Variants in MTUS2 observed in about 807,000 individuals in gnomAD.
The protein encoded by MTUS2 is microtubule associated scaffold protein 2.
MTUS2 carries 40 observed loss-of-function variants against 114.1 expected under a neutral mutation model. The observed-to-expected ratio is 0.35, with a 90% CI of 0.27 to 0.46. The LOEUF (loss-of-function observed/expected upper bound fraction) is 0.46, where lower values mean the gene tolerates loss of function less well. Among genes scored for constraint, MTUS2 ranks in the 20% least tolerant of loss-of-function variants. The pLI, the probability that MTUS2 is intolerant of heterozygous loss-of-function variation, is 1.00. For missense variants in MTUS2, 1,679 were observed against 1,705.4 expected (o/e 0.98, Z 0.27); for synonymous variants, 688 against 672.0 (o/e 1.02, Z -0.37).
At chr13:29,362,638 G>C (rs1389241723) in intron 8 of MTUS2, among the ~76,000 whole-genome samples, 1 of 152,154 alleles carries the variant, frequency 6.6e-6, no homozygotes, top group South Asian at 2.1e-4. Context: ...AGTGAACCGA[G>C]ATTGCTCCAC....
rs1019307715 is a variant in MTUS2 at position 28,957,690 on chromosome 13, G to T, written c.-242-66767G>T. 3.9e-5 allele frequency among the ~76,000 whole-genome samples: 6 copies of T among 152,284 alleles called. No homozygotes were observed. In the East Asian group the frequency reaches 1.2e-3, roughly 29 times the overall value. ...CCACAGATTTTTGTATCTGGAGGGG[G>T]GGGTCCTGGGACCAATGCCCTGTGG... On this transcript the variant is annotated intron_variant, in intron 2 of 15. Transcript: ENST00000612955.
At chr13:29,203,576 A>G (rs1350936799) in intron 5 of MTUS2, among the ~76,000 whole-genome samples, 1 of 142,824 alleles carries the variant, frequency 7.0e-6, no homozygotes, top group Non-Finnish European at 1.6e-5. Context: ...AAAAAAAAAA[A>G]AAAACTCCTG....
At chr13:29,183,341 A>C (rs574253897) in intron 5 of MTUS2, among the ~76,000 whole-genome samples, 1 of 152,102 alleles carries the variant, frequency 6.6e-6, no homozygotes, top group African/African-American at 2.4e-5. Flanking sequence ...GCTGTCATCA[A>C]TGGAGATGAG....
intron 5 of MTUS2, among the ~76,000 whole-genome samples, chr13:29,208,927 A>T (rs9551621): frequency 0.025 from 3,818 of 152,170 alleles, 93 homozygotes; most frequent in East Asian, 0.067. Flanking sequence ...TGTTCTCTAA[A>T]TATCTAAGTC....
At chr13:29,200,021 G>A (rs998011893) in intron 5 of MTUS2, among the ~76,000 whole-genome samples, 2 of 152,060 alleles carry the variant, frequency 1.3e-5, no homozygotes, top group Admixed American at 6.6e-5. Context: ...ATTTCTGTGG[G>A]ATCAGTGGTG....
intron 4 of MTUS2, among the ~76,000 whole-genome samples, chr13:29,059,856 C>T (rs1345270150): frequency 6.6e-6 from 1 of 152,204 alleles, no homozygotes; most frequent in African/African-American, 2.4e-5. Flanking sequence ...CTACCACTGG[C>T]AAGGGTGGGG....
At chr13:29,028,751 A>C (rs180876768) in intron 3 of MTUS2, among the ~76,000 whole-genome samples, 2 of 152,076 alleles carry the variant, frequency 1.3e-5, no homozygotes, top group Non-Finnish European at 2.9e-5. Flanking sequence ...TGTAAACTCC[A>C]TGAGGGAAGG....
chr13:29,454,412 C>G (rs1878958181), intron 9 of MTUS2, among the ~76,000 whole-genome samples: 1 of 152,170 alleles, frequency 6.6e-6, no homozygotes. Context: ...TGTTAGTACA[C>G]CAGGAATGGT....
At chr13:29,212,418 G>A (rs1400987111) in intron 5 of MTUS2, among the ~76,000 whole-genome samples, 4 of 152,226 alleles carry the variant, frequency 2.6e-5, no homozygotes, top group African/African-American at 4.8e-5. Context: ...GACACCACCC[G>A]AGTGTCCTAC....
chr13:29,375,821 G>A (rs1036539525), intron 8 of MTUS2, among the ~76,000 whole-genome samples: 6 of 150,810 alleles, frequency 4.0e-5, no homozygotes, highest in African/African-American at 1.5e-4. Context: ...GTGGTATAAT[G>A]GACATTGGAG....
At chr13:29,062,047 C>T (rs757824905) in intron 4 of MTUS2, among the ~76,000 whole-genome samples, 1 of 152,270 alleles carries the variant, frequency 6.6e-6, no homozygotes, top group Non-Finnish European at 1.5e-5. Context: ...TGCAATGATA[C>T]GATCTTGGCT....
chr13:29,288,200 G>A (rs1898568978), intron 6 of MTUS2, among the ~76,000 whole-genome samples: 1 of 152,208 alleles, frequency 6.6e-6, no homozygotes, highest in Non-Finnish European at 1.5e-5. Context: ...ATTTCCATGT[G>A]GAATTCATGG....
intron 5 of MTUS2, among the ~76,000 whole-genome samples, chr13:29,124,988 T>C (rs1891457941): frequency 6.6e-6 from 1 of 152,184 alleles, no homozygotes; most frequent in Non-Finnish European, 1.5e-5. Flanking sequence ...TTTGGGAAGA[T>C]GCAAAAATTC....
rs1242292179 is a variant in MTUS2 at position 29,281,859 on chromosome 13, C to T, written c.2800C>T (p.Pro934Ser). The T allele has an allele frequency of 3.1e-6, 5 of 1,594,592 alleles. No homozygotes were observed. Among genetic ancestry groups the T allele is most frequent in the Middle Eastern group, 1.7e-4 (1 of 5,978 alleles). Residue 934 changes from proline (P) to serine (S), a missense_variant, in exon 6 of 16, where the codon CCC becomes TCC. Pro to Ser is a moderately conservative substitution (Grantham distance 74, BLOSUM62 -1). Around this residue, in one of 3 missense-constraint regions of MTUS2, gnomAD observed 822 missense variants for 899.7 expected, o/e 0.91. Transcript: ENST00000612955. ...LLPAPKSTST[P>S]AGTKKDAQKD... ...TCCAGCGCCAAAATCCACTTCCACA[C>T]CCGCTGGTAAGACTTTGTGCCTTGG... is the stretch of plus-strand genomic sequence containing the variant.
At chr13:29,259,747 G>T (rs1218670131) in intron 5 of MTUS2, among the ~76,000 whole-genome samples, 1 of 152,208 alleles carries the variant, frequency 6.6e-6, no homozygotes, top group African/African-American at 2.4e-5. Context: ...CTTGATGTTT[G>T]ACATTTTCTA....
At chr13:28,953,768 AG>A (rs1365377112) in intron 2 of MTUS2, among the ~76,000 whole-genome samples, 1 of 152,156 alleles carries the variant, frequency 6.6e-6, no homozygotes, top group Non-Finnish European at 1.5e-5. Context: ...TTTGACATCT[AG>A]CCTTTCCTTT....
chr13:29,164,427 G>A (rs1893230059), intron 5 of MTUS2, among the ~76,000 whole-genome samples: 1 of 152,242 alleles, frequency 6.6e-6, no homozygotes, highest in South Asian at 2.1e-4. Flanking sequence ...GGGAAGACAT[G>A]TAGGTATCTT....
At chr13:28,977,154 A>G (rs1442470659) in intron 2 of MTUS2, among the ~76,000 whole-genome samples, 5 of 152,126 alleles carry the variant, frequency 3.3e-5, no homozygotes, top group African/African-American at 9.7e-5. Flanking sequence ...TGGTGGGGTC[A>G]TTGCGGGGGA....
At chr13:29,468,677 T>C (rs932744800) in intron 9 of MTUS2, among the ~76,000 whole-genome samples, 1 of 152,104 alleles carries the variant, frequency 6.6e-6, no homozygotes, top group African/African-American at 2.4e-5. Context: ...TTAGCTTAGA[T>C]GAGTCACTGA....
Sources: allele counts gnomAD v4.1 joint callset (sites outside exome capture counted in the v4.1 genomes callset), GRCh38; gene constraint gnomAD v4.1.1; regional missense constraint gnomAD v4.1.1; transcripts MANE v1.5; gene names NCBI Gene and HGNC (gene_info 2026-07-23, HGNC 2026-07-21).